PRKN: variants seen among roughly 807,000 people sequenced by gnomAD.
The protein encoded by PRKN is parkin RBR E3 ubiquitin protein ligase.
In PRKN, 56 loss-of-function variants were observed where a neutral mutation model predicts 59.5. The ratio of observed to expected loss-of-function variants is 0.94; its 90% confidence interval spans 0.76 to 1.18. The LOEUF (loss-of-function observed/expected upper bound fraction) is 1.18. Ranked by LOEUF, PRKN falls within the 50% of genes most tolerant of loss-of-function variation. PRKN has a pLI of 0.00. For synonymous variants in PRKN, 250 were observed against 222.1 expected (o/e 1.13, Z -1.12); for missense variants, 657 against 596.4 (o/e 1.10, Z -1.06).
At chr6:162,643,304 A>C (rs762069588) in intron 1 of PRKN, among the ~76,000 whole-genome samples, 6 of 148,210 alleles carry the variant, frequency 4.0e-5, no homozygotes, top group Non-Finnish European at 7.4e-5. Context: ...AGGCTGAGGC[A>C]GGAGAATTGC....
At chr6:161,995,932 A>C (rs1478503274) in intron 5 of PRKN, among the ~76,000 whole-genome samples, 1 of 152,174 alleles carries the variant, frequency 6.6e-6, no homozygotes, top group Admixed American at 6.5e-5. Context: ...GCTTGAGTCC[A>C]GGAGTTTGAG....
chr6:161,590,290 A>G (rs1781670053), intron 7 of PRKN, among the ~76,000 whole-genome samples: 1 of 152,092 alleles, frequency 6.6e-6, no homozygotes, highest in Admixed American at 6.5e-5. Context: ...TCCTCCTCCA[A>G]CACTCTTGCC....
chr6:161,441,582 T>A (rs755859188), intron 9 of PRKN, among the ~76,000 whole-genome samples: 12 of 145,460 alleles, frequency 8.2e-5, no homozygotes, highest in Admixed American at 2.1e-4. Context: ...GAGGTGGAGG[T>A]TGCAGTGAGC....
intron 1 of PRKN, among the ~76,000 whole-genome samples, chr6:162,560,864 A>AAAAAAAAAAAAC (rs1779808932): frequency 1.3e-5 from 2 of 150,926 alleles, no homozygotes; most frequent in African/African-American, 4.9e-5. Flanking sequence ...AAAAAAAAAA[A>AAAAAAAAAAAAC]AAACCCAGGT....
At chr6:162,202,613 T>A (rs1214232474) in intron 3 of PRKN, among the ~76,000 whole-genome samples, 1 of 152,330 alleles carries the variant, frequency 6.6e-6, no homozygotes, top group Non-Finnish European at 1.5e-5. Flanking sequence ...ATGTACAACA[T>A]ATTCAAGTAC....
intron 4 of PRKN, among the ~76,000 whole-genome samples, chr6:162,097,002 G>T (rs1385934795): frequency 6.6e-6 from 1 of 151,692 alleles, no homozygotes; most frequent in Non-Finnish European, 1.5e-5. Context: ...TCAGCCTCCT[G>T]AGTAGCTGGG....
chr6:162,294,033 G>T (rs560705145), intron 2 of PRKN, among the ~76,000 whole-genome samples: 5 of 152,184 alleles, frequency 3.3e-5, no homozygotes, highest in African/African-American at 1.2e-4. Context: ...CAGGACCCTG[G>T]AAACAAGAAG....
intron 1 of PRKN, among the ~76,000 whole-genome samples, chr6:162,702,068 T>C (rs1050116536): frequency 2.0e-5 from 3 of 152,148 alleles, no homozygotes; most frequent in African/African-American, 7.2e-5. Context: ...TTTAAATTGA[T>C]ATGTCTTTAA....
At chr6:162,571,642 G>C (rs1780333298) in intron 1 of PRKN, among the ~76,000 whole-genome samples, 1 of 152,100 alleles carries the variant, frequency 6.6e-6, no homozygotes, top group Non-Finnish European at 1.5e-5. Context: ...CAGCAATGAA[G>C]ATTTTAGCTG....
Position 161,350,197 on chromosome 6 carries a change from T to C in PRKN, c.1300A>G (p.Met434Val), listed in dbSNP as rs774317638. Residue 434 changes from methionine to valine, a missense_variant, in exon 12 of 12, where the codon ATG (methionine) becomes GTG (valine). Physicochemically the swap from Met to Val is conservative, Grantham distance 21 (BLOSUM62 1). Coordinates refer to ENST00000366898, the MANE Select transcript of PRKN (RefSeq NM_004562.3). Reference sequence around the variant, plus strand: ...CTGCACTGGGGCTGCGGACACTTCATGTGCATGCAGCCTCCTGTTGGGGGC... The same window carrying C: ...CTGCACTGGGGCTGCGGACACTTCACGTGCATGCAGCCTCCTGTTGGGGGC... ...PVEKNGGCMH[M>V]KCPQPQCRLE... The C allele has an allele frequency of 6.8e-6, 11 of 1,613,160 alleles. No homozygotes were observed. In the Admixed American group the frequency reaches 1.8e-4, roughly 27 times the overall value.
chr6:161,540,987 C>T (rs1398793524), intron 9 of PRKN, among the ~76,000 whole-genome samples: 1 of 152,188 alleles, frequency 6.6e-6, no homozygotes, highest in East Asian at 1.9e-4. Context: ...CAAGAAATTG[C>T]TTTATTTCTG....
At chr6:161,800,628 C>T (rs1459043917) in intron 6 of PRKN, among the ~76,000 whole-genome samples, 4 of 152,346 alleles carry the variant, frequency 2.6e-5, no homozygotes, top group Middle Eastern at 6.8e-3. Context: ...CCACTGATGA[C>T]CTGTTGTGGG....
intron 5 of PRKN, among the ~76,000 whole-genome samples, chr6:162,036,065 C>T: frequency 6.6e-6 from 1 of 152,138 alleles, no homozygotes; most frequent in Non-Finnish European, 1.5e-5. Context: ...TGGCTCACGC[C>T]TGTAATCCCA....
chr6:161,948,189 G>A (rs1779852631), intron 6 of PRKN, among the ~76,000 whole-genome samples: 1 of 152,084 alleles, frequency 6.6e-6, no homozygotes, highest in Non-Finnish European at 1.5e-5. Flanking sequence ...ATTTCACCAT[G>A]TTGGCCAGGC....
intron 1 of PRKN, among the ~76,000 whole-genome samples, chr6:162,653,131 G>C (rs1246930876): frequency 1.3e-5 from 2 of 152,182 alleles, no homozygotes; most frequent in Admixed American, 1.3e-4. Flanking sequence ...TTCTAACTGA[G>C]TTTAAAAGAT....
At chr6:161,893,687 G>C (rs1777500339) in intron 6 of PRKN, among the ~76,000 whole-genome samples, 1 of 152,134 alleles carries the variant, frequency 6.6e-6, no homozygotes, top group Non-Finnish European at 1.5e-5. Flanking sequence ...CACACTGCTT[G>C]GTGCCTGGCA....
intron 1 of PRKN, among the ~76,000 whole-genome samples, chr6:162,600,953 A>T (rs1389038687): frequency 6.6e-6 from 1 of 152,176 alleles, no homozygotes; most frequent in Non-Finnish European, 1.5e-5. Context: ...TCTTTATAGT[A>T]GCGTAAGAAT....
chr6:161,886,278 T>C (rs1017245152), intron 6 of PRKN, among the ~76,000 whole-genome samples: 1 of 152,226 alleles, frequency 6.6e-6, no homozygotes, highest in Non-Finnish European at 1.5e-5. Context: ...CTCAATCTGA[T>C]AGAATTCTTT....
intron 1 of PRKN, among the ~76,000 whole-genome samples, chr6:162,539,040 T>C (rs774031360): frequency 6.6e-6 from 1 of 152,266 alleles, no homozygotes; most frequent in African/African-American, 2.4e-5. Context: ...TGAGGACACA[T>C]GAAGAAGGAT....
Sources: gnomAD v4.1 joint callset for allele counts (sites outside exome capture counted in the v4.1 genomes callset) on GRCh38, gnomAD v4.1.1 for gene constraint, MANE v1.5 for transcripts, NCBI Gene and HGNC (gene_info 2026-07-23, HGNC 2026-07-21) for gene names.